The following ACTR2 variants were observed in gnomAD, a reference collection of about 807,000 sequenced individuals.
ACTR2 encodes the protein actin related protein 2.
In ACTR2, 5 loss-of-function variants were observed where a neutral mutation model predicts 50.2. The ratio of observed to expected loss-of-function variants is 0.10; its 90% CI spans 0.05 to 0.21. ACTR2 has a LOEUF of 0.21. ACTR2 is among the 10% of genes least tolerant of loss of function. The probability of loss-of-function intolerance (pLI) is 1.00; values close to 1 mark genes in which losing one functional copy is unlikely to be tolerated. For missense variants in ACTR2, 180 were observed against 480.6 expected, an observed-to-expected ratio of 0.37 and a Z score of 5.85; for synonymous variants, 140 against 162.9, an observed-to-expected ratio of 0.86 and a Z score of 1.07.
intron 3 of ACTR2, among the ~76,000 whole-genome samples, chr2:65,249,463 A>G (rs1672004574): frequency 1.3e-5 from 2 of 152,204 alleles, no homozygotes; most frequent in Admixed American, 6.5e-5. Flanking sequence ...TCACATTGGT[A>G]TGTGCATATA....
At chr2:65,256,959 A>G (rs1454397103) in intron 6 of ACTR2, among the ~76,000 whole-genome samples, 1 of 151,238 alleles carries the variant, frequency 6.6e-6, no homozygotes, top group Non-Finnish European at 1.5e-5. Flanking sequence ...TTTATTTTTT[A>G]TTATACTTTA....
chr2:65,267,965 T>A lies in ACTR2; in HGVS notation c.1015-599T>A, dbSNP rs190458282. Among the ~76,000 whole-genome samples the A allele has an allele frequency of 2.8e-3, 394 of 141,250 alleles. 3 individuals carry two copies. Among genetic ancestry groups the A allele is most frequent in the Middle Eastern group, 0.012 (3 of 252 alleles). 92.7% of individuals were successfully genotyped at this position (141,250 alleles called of 152,430 possible). ...CATTCTCCTGCCTCAGCCTCCCGAG[T>A]AGCTGGGACTACAGGCACCCACTAC... On this transcript the variant is annotated intron_variant, in intron 8 of 8. Coordinates refer to ENST00000260641, the MANE Select transcript of ACTR2 (RefSeq NM_005722.4).
chr2:65,250,908 T>G (rs1345463372), intron 3 of ACTR2, 119 bp from the exon 4 acceptor site: 1 of 562,636 alleles, frequency 1.8e-6, no homozygotes, highest in Non-Finnish European at 3.0e-6. Flanking sequence ...TGGAAGACTA[T>G]TTCAGGTCCA....
At chr2:65,245,769 T>C (rs1015162224) in intron 2 of ACTR2, among the ~76,000 whole-genome samples, 3 of 152,228 alleles carry the variant, frequency 2.0e-5, no homozygotes, top group Non-Finnish European at 4.4e-5. Context: ...TTAAGTATGC[T>C]CTCATTGGAG....
Position 65,233,606 on chromosome 2 carries a change from T to C in ACTR2, c.48+5649T>C, listed in dbSNP as rs377563792. ...GTAGCCAGTATAATTTTTTTTTTAA[T>C]TATTTTATTTTATTATTGTTTTTGA... On this transcript the variant is annotated intron_variant, in intron 1 of 8. Transcript: ENST00000260641. 2.0e-5 allele frequency among the ~76,000 whole-genome samples: 3 copies of C among 151,872 alleles called. No individual in the cohort carries two copies. The South Asian group carries it at 6.2e-4, about 32-fold the overall frequency.
At chr2:65,236,002 A>G (rs1016726904) in intron 1 of ACTR2, among the ~76,000 whole-genome samples, 2 of 152,224 alleles carry the variant, frequency 1.3e-5, no homozygotes, top group Non-Finnish European at 2.9e-5. Flanking sequence ...CGAATTTTTC[A>G]TAAAAGCTTT....
chr2:65,230,977 C>T (rs2103978185), intron 1 of ACTR2, among the ~76,000 whole-genome samples: 1 of 151,446 alleles, frequency 6.6e-6, no homozygotes, highest in East Asian at 2.0e-4. Flanking sequence ...TTACTTGTAC[C>T]TGGGAGGCAG....
At chr2:65,228,213 AGCCTACTGACC>A in intron 1 of ACTR2, 1 of 384,944 alleles carries the variant, frequency 2.6e-6, no homozygotes, top group East Asian at 4.0e-5. Context: ...CTGGACATGG[AGCCTACTGACC>A]GCCCGGCAGG....
intron 4 of ACTR2, among the ~76,000 whole-genome samples, chr2:65,253,035 T>A (rs1672082677): frequency 6.6e-6 from 1 of 152,232 alleles, no homozygotes; most frequent in Admixed American, 6.5e-5. Context: ...TTTCTTAGAT[T>A]TCTAGCTGTC....
intron 1 of ACTR2, among the ~76,000 whole-genome samples, chr2:65,230,419 T>TC (rs1671613314): frequency 6.8e-6 from 1 of 147,772 alleles, no homozygotes. Context: ...TTTTTTTTTT[T>TC]TTTTTTTTTG....
chr2:65,244,294 C>A (rs1671894278), intron 2 of ACTR2, among the ~76,000 whole-genome samples: 1 of 152,018 alleles, frequency 6.6e-6, no homozygotes, highest in Non-Finnish European at 1.5e-5. Context: ...ATTATCTAAT[C>A]TGTTATCTTG....
chr2:65,235,528 G>A (rs575947771), intron 1 of ACTR2, among the ~76,000 whole-genome samples: 20 of 152,146 alleles, frequency 1.3e-4, no homozygotes, highest in Non-Finnish European at 2.4e-4. Context: ...AGGCTGAGGC[G>A]AGTGGATCAC....
intron 8 of ACTR2, 122 bp from the exon 9 acceptor site, chr2:65,268,442 T>G: frequency 4.5e-6 from 3 of 668,720 alleles, no homozygotes; most frequent in South Asian, 4.1e-5. Context: ...AAATATTACG[T>G]TCTACTTATA....
At chr2:65,249,398 A>G (rs1672003419) in intron 3 of ACTR2, among the ~76,000 whole-genome samples, 1 of 152,162 alleles carries the variant, frequency 6.6e-6, no homozygotes, top group Admixed American at 6.5e-5. Context: ...TTTGTTTATG[A>G]CTACAAATAT....
intron 4 of ACTR2, among the ~76,000 whole-genome samples, chr2:65,251,471 C>G (rs1049910250): frequency 1.3e-5 from 2 of 152,174 alleles, no homozygotes; most frequent in African/African-American, 4.8e-5. Context: ...AAGTGATTTT[C>G]CTGCCTCAGC....
intron 2 of ACTR2, among the ~76,000 whole-genome samples, chr2:65,245,846 A>G (rs986793775): frequency 6.6e-6 from 1 of 152,178 alleles, no homozygotes; most frequent in Non-Finnish European, 1.5e-5. Context: ...TAAGATTGAA[A>G]ATGTTGCTCA....
chr2:65,245,155 T>G (rs189737513), intron 2 of ACTR2, among the ~76,000 whole-genome samples: 280 of 152,262 alleles, frequency 1.8e-3, no homozygotes, highest in African/African-American at 6.5e-3. Flanking sequence ...CACCTTGGTT[T>G]CATCTCTGAT....
intron 1 of ACTR2, 131 bp from the exon 2 acceptor site, chr2:65,239,721 C>A (rs879063683): frequency 1.3e-4 from 87 of 655,902 alleles, no homozygotes. Context: ...TGAGTGGCTA[C>A]TTCGGGTGGA....
chr2:65,247,114 G>T (rs1375629449), intron 3 of ACTR2, among the ~76,000 whole-genome samples: 1 of 152,002 alleles, frequency 6.6e-6, no homozygotes, highest in Non-Finnish European at 1.5e-5. Flanking sequence ...GAGTGATCCA[G>T]TTGACCCATG....
Sources: allele counts gnomAD v4.1 joint callset (sites outside exome capture counted in the v4.1 genomes callset), GRCh38; gene constraint gnomAD v4.1.1; transcripts MANE v1.5; gene names NCBI Gene and HGNC (gene_info 2026-07-23, HGNC 2026-07-21).